The following ARHGEF4 variants were observed in gnomAD, a reference collection of about 807,000 sequenced individuals.
The protein encoded by ARHGEF4 is APC-stimulated guanine nucleotide exchange factor 1.
Under a neutral mutation model 162.0 loss-of-function variants are expected in ARHGEF4, and 119 were observed. That is an observed-to-expected ratio of 0.73 (90% CI 0.63 to 0.86). ARHGEF4 has a LOEUF of 0.86. Ranked by LOEUF, ARHGEF4 falls within the 40% of genes least tolerant of loss-of-function variation. The pLI, the probability that ARHGEF4 is intolerant of heterozygous loss-of-function variation, is 0.00. For missense variants in ARHGEF4, 2,488 were observed against 2,456.0 expected (o/e 1.01, Z -0.28); for synonymous variants, 1,014 against 979.9 (o/e 1.03, Z -0.65).
intron 1 of ARHGEF4, among the ~76,000 whole-genome samples, chr2:130,851,880 C>G (rs1361912901): frequency 6.6e-6 from 1 of 152,212 alleles, no homozygotes; most frequent in East Asian, 1.9e-4. Flanking sequence ...GAGACCTGGT[C>G]CAAATTCAAA....
At position 130,915,892 on chromosome 2, in the gene ARHGEF4, G is replaced by A. The variant is rs1681454678; in HGVS notation, c.1946G>A (p.Gly649Glu). The A allele has an allele frequency of 1.3e-6, 2 of 1,550,144 alleles. No individual in the cohort carries two copies. The highest frequency in any genetic ancestry group is 1.7e-6 in the Non-Finnish European group (2 of 1,146,818). The change falls in exon 2 of 14, where the codon GGG (glycine) becomes GAG (glutamate). Residue 649 changes from glycine to glutamate, a missense_variant. Gly to Glu is a moderately conservative substitution (Grantham distance 98). Coordinates refer to ENST00000409359, the MANE Select transcript of ARHGEF4 (RefSeq NM_001367493.1). ...CTTCAGGCCAGCAGGAGCAATGCGGGGCCTGTTCCAGAAACACTGCCCCGT... is the reference window on the plus strand; with the variant it reads ...CTTCAGGCCAGCAGGAGCAATGCGGAGCCTGTTCCAGAAACACTGCCCCGT... ...KGLQASRSNA[G>E]PVPETLPRDF...
chr2:130,874,617 A>G (rs1041332711), intron 1 of ARHGEF4, among the ~76,000 whole-genome samples: 5 of 152,222 alleles, frequency 3.3e-5, no homozygotes, highest in Middle Eastern at 3.2e-3. Context: ...AGTTCTAAGA[A>G]ATAATACAGA....
intron 4 of ARHGEF4, among the ~76,000 whole-genome samples, chr2:130,976,332 CGT>C (rs978370319): frequency 9.4e-6 from 1 of 106,922 alleles, no homozygotes; most frequent in Admixed American, 1.2e-4. Flanking sequence ...GCCCCAGAAT[CGT>C]GTGTGTGTGT....
chr2:131,044,397 T>C lies in ARHGEF4; in HGVS notation c.5256T>C (p.His1752=), dbSNP rs761008000. 1.0e-5 allele frequency: 16 copies of C among 1,586,042 alleles called. No homozygotes were observed. The highest frequency in any genetic ancestry group is 1.3e-5 in the African/African-American group (1 of 74,310). Residue 1752 remains histidine, a synonymous_variant, in exon 12 of 14, where the codon CAT becomes CAC. Coordinates refer to ENST00000409359, the MANE Select transcript of ARHGEF4 (RefSeq NM_001367493.1). ...DLEDGKDRDL[H]VSIKNAFRLH... ...AGGACGGGAAGGACAGAGACCTCCA[T>C]GTGAGCATCAAGAACGCCTTCCGGC...
chr2:130,960,083 G>A (rs554612012), intron 4 of ARHGEF4, among the ~76,000 whole-genome samples: 2 of 152,270 alleles, frequency 1.3e-5, no homozygotes, highest in African/African-American at 4.8e-5. Context: ...ATACAGTCAT[G>A]TGCCATATAA....
chr2:131,027,822 C>A, intron 4 of ARHGEF4, 123 bp from the exon 5 acceptor site: 2 of 1,205,262 alleles, frequency 1.7e-6, no homozygotes, highest in Non-Finnish European at 2.3e-6. Context: ...AGCCCTGCAA[C>A]CTGCACGCTC....
In ARHGEF4 at chr2:130,975,461, C is replaced by T. The variant is rs528659983; in HGVS notation, c.3985+28826C>T. 1.0e-3 allele frequency among the ~76,000 whole-genome samples: 159 copies of T among 152,292 alleles called. 1 individual carries two copies. The highest frequency in any genetic ancestry group is 3.6e-3 in the African/African-American group (151 of 41,556). ...CACTGGGCCCCTACCTTAGTCATCC[C>T]AGGCCCAGGTACCAAAAAACTCGGG... On this transcript the variant is annotated intron_variant, in intron 4 of 13. Transcript: ENST00000409359.
At position 131,046,204 on chromosome 2, in the gene ARHGEF4, G is replaced by C. The variant is rs1175778762; in HGVS notation, c.*15G>C. ...TCCGCAAGTGAACTGGTCCCTGCCT[G>C]ACAGCACCTGCTGGGCCTTCCTGCC... On this transcript the variant is annotated 3_prime_UTR_variant, in exon 14 of 14. Coordinates refer to ENST00000409359, the MANE Select transcript of ARHGEF4 (RefSeq NM_001367493.1). The C allele has an allele frequency of 6.2e-7, 1 of 1,601,754 alleles. No homozygotes were observed. The highest frequency in any genetic ancestry group is 8.5e-7 in the Non-Finnish European group (1 of 1,172,244).
intron 3 of ARHGEF4, among the ~76,000 whole-genome samples, chr2:130,938,582 T>A (rs1372585970): frequency 6.6e-6 from 1 of 152,168 alleles, no homozygotes; most frequent in Admixed American, 6.5e-5. Context: ...AATGTTGGTC[T>A]TTGAGAGACA....
intron 6 of ARHGEF4, chr2:131,039,607 T>C (rs1690603032): frequency 9.5e-7 from 1 of 1,052,608 alleles, no homozygotes; most frequent in Non-Finnish European, 1.1e-6. Flanking sequence ...CCAGATCCCC[T>C]GGGAAACTGT....
At chr2:130,866,608 G>C (rs1682296259) in intron 1 of ARHGEF4, among the ~76,000 whole-genome samples, 1 of 152,264 alleles carries the variant, frequency 6.6e-6, no homozygotes, top group South Asian at 2.1e-4. Context: ...GTTGAATTCT[G>C]CCAGATACTC....
intron 1 of ARHGEF4, among the ~76,000 whole-genome samples, chr2:130,907,116 A>C (rs963139475): frequency 6.6e-6 from 1 of 151,986 alleles, no homozygotes; most frequent in African/African-American, 2.4e-5. Context: ...TAAATGGATC[A>C]TACAATATGC....
rs747656643 is a variant in ARHGEF4, at chr2:130,846,345, G to A, written c.39+9353G>A. Among the ~76,000 whole-genome samples, 9 of 152,312 alleles carry A rather than the reference G, an allele frequency of 5.9e-5. No individual in the cohort carries two copies. The South Asian group carries it at 6.2e-4, about 11-fold the overall frequency. ...CACAACCCAAGAGTCACCTCTTCTC[G>A]GGTGCTGGGATCCCAGGAGCCACCC... On this transcript the variant is annotated intron_variant, in intron 1 of 13. Coordinates refer to ENST00000409359, the MANE Select transcript of ARHGEF4 (RefSeq NM_001367493.1).
chr2:130,967,821 T>C (rs1395521891), intron 4 of ARHGEF4, among the ~76,000 whole-genome samples: 1 of 152,222 alleles, frequency 6.6e-6, no homozygotes, highest in Admixed American at 6.5e-5. Context: ...GGGTACAGAC[T>C]GAAGTCAACA....
At chr2:130,927,277 G>A (rs1367547151) in intron 2 of ARHGEF4, among the ~76,000 whole-genome samples, 38 of 152,168 alleles carry the variant, frequency 2.5e-4, no homozygotes, top group Non-Finnish European at 2.9e-5. Context: ...CATTACCCCA[G>A]CAGGTCAGGG....
At chr2:130,901,183 G>T (rs945582221) in intron 1 of ARHGEF4, among the ~76,000 whole-genome samples, 2 of 152,152 alleles carry the variant, frequency 1.3e-5, no homozygotes, top group Non-Finnish European at 2.9e-5. Flanking sequence ...TCCACTGTTG[G>T]GTGGAGGATT....
At chr2:130,921,102 G>GT (rs1316867063) in intron 2 of ARHGEF4, among the ~76,000 whole-genome samples, 1 of 151,998 alleles carries the variant, frequency 6.6e-6, no homozygotes, top group Non-Finnish European at 1.5e-5. Flanking sequence ...TTATTACTAT[G>GT]GGTGTGGGGG....
At chr2:131,022,931 A>G (rs115285417) in intron 4 of ARHGEF4, among the ~76,000 whole-genome samples, 9,692 of 151,944 alleles carry the variant, frequency 0.064, 1,042 homozygotes, top group African/African-American at 0.22. Context: ...TTATCTGACA[A>G]ATAACTCAAA....
chr2:130,971,228 G>A (rs961855480), intron 4 of ARHGEF4, among the ~76,000 whole-genome samples: 1 of 152,128 alleles, frequency 6.6e-6, no homozygotes, highest in African/African-American at 2.4e-5. Context: ...CTATATTTGT[G>A]TTGGTCTATT....
Sources: gnomAD v4.1 joint callset for allele counts (sites outside exome capture counted in the v4.1 genomes callset) on GRCh38, gnomAD v4.1.1 for gene constraint, MANE v1.5 for transcripts, NCBI Gene and HGNC (gene_info 2026-07-23, HGNC 2026-07-21) for gene names.